The following FABP3 variants were observed in gnomAD, a reference collection of about 807,000 sequenced individuals.
The protein encoded by FABP3 is fatty acid binding protein 3, also known as fatty acid-binding protein, heart.
In FABP3, 8 loss-of-function variants were observed where a neutral mutation model predicts 13.4. That is an observed-to-expected ratio of 0.60 (90% CI 0.35 to 1.07). The LOEUF (loss-of-function observed/expected upper bound fraction) is 1.07. Ranked by LOEUF, FABP3 falls within the 50% of genes least tolerant of loss-of-function variation. The pLI is 0.02. For missense variants in FABP3, 135 were observed against 164.7 expected (o/e 0.82, Z 0.99); for synonymous variants, 64 against 60.0 (o/e 1.07, Z -0.31).
Position 31,365,636 on chromosome 1 carries a change from A to C in FABP3, c.*250T>G. ...CAAGACTCCCAGAGTTATGTTACCA[A>C]AGGCAAAAAGGCAACTGGGTGGCCT... On this transcript the variant is annotated 3_prime_UTR_variant, in exon 4 of 4. Transcript: ENST00000373713. 1 of 448,268 alleles carries C rather than the reference A, an allele frequency of 2.2e-6. No homozygotes were observed. The highest frequency in any genetic ancestry group is 4.1e-6 in the Non-Finnish European group (1 of 243,754). The allele number at this position is 448,268 out of a possible 1,614,324, so 27.8% of individuals were successfully genotyped here.
downstream of FABP3, chr1:31,364,002 C>A: frequency 6.2e-7 from 1 of 1,607,178 alleles, no homozygotes; most frequent in Non-Finnish European, 8.5e-7. Flanking sequence ...TATACACATA[C>A]AGTGTTGATT....
In FABP3 at chr1:31,369,378, G is replaced by A; in HGVS notation, c.246+7C>T. On this transcript the variant is annotated splice_region_variant and intron_variant, in intron 2 of 3. Coordinates refer to ENST00000373713, the MANE Select transcript of FABP3 (RefSeq NM_004102.5). ...CTCCATTCCCCACCCCTGTTTCCCT[G>A]ACTTACCTTGACCTTCCTGTCATCT... The A allele has an allele frequency of 6.2e-7, 1 of 1,613,582 alleles. No homozygotes were observed. The highest frequency in any genetic ancestry group is 8.5e-7 in the Non-Finnish European group (1 of 1,179,672).
rs772049236 is a variant in FABP3, at chr1:31,366,028, T to C, written c.349-89A>G. The stretch of plus-strand genomic sequence containing the variant: ...CTCCCTTCCTCCTGATAATTGTCAC[T>C]TGAGTACCTACTATGTGCCGGCTAT... On this transcript the variant is annotated intron_variant, in intron 3 of 3. Transcript: ENST00000373713. 3.0e-4 allele frequency: 331 copies of C among 1,110,276 alleles called. 1 individual carries two copies. Among genetic ancestry groups the C allele is most frequent in the Non-Finnish European group, 3.7e-4 (276 of 738,536 alleles). The allele number at this position is 1,110,276 out of a possible 1,614,324, so 68.8% of individuals were successfully genotyped here.
chr1:31,371,983 C>G (rs891630903), intron 1 of FABP3, among the ~76,000 whole-genome samples: 1 of 152,182 alleles, frequency 6.6e-6, no homozygotes, highest in Non-Finnish European at 1.5e-5. Context: ...CATATTGGCT[C>G]TGCTGTGGAA....
chr1:31,365,545 C>A lies in FABP3; in HGVS notation c.*341G>T. ...AGACTGTCCATTTCAGTCTCCCATC[C>A]AGTGCTTCTTCCTCAGTAACCTTCA... On this transcript the variant is annotated 3_prime_UTR_variant, in exon 4 of 4. Transcript: ENST00000373713. 3.5e-6 allele frequency: 1 copy of A among 284,944 alleles called. No individual in the cohort carries two copies. The highest frequency in any genetic ancestry group is 6.8e-6 in the Non-Finnish European group (1 of 146,650). The allele number at this position is 284,944 out of a possible 1,614,324, so 17.7% of individuals were successfully genotyped here.
At chr1:31,367,257 C>T in intron 3 of FABP3, 136 bp downstream of exon 3, 1 of 757,624 alleles carries the variant, frequency 1.3e-6, no homozygotes, top group Admixed American at 1.8e-5. Context: ...CCACCTGATA[C>T]CACCCTGACC....
Position 31,367,486 on chromosome 1 carries a change from C to T in FABP3, c.255G>A (p.Val85=). ...GAACAAGTTTCCCTCCATCCAGTGT[C>T]ACAATGGACTGTGGAAAGAGGGTAG... is the stretch of plus-strand genomic sequence containing the variant. ...TADDRKVKSI[V]TLDGGKLVHL... Residue 85 remains valine (V), a synonymous_variant, in exon 3 of 4, where the codon GTG becomes GTA. Transcript: ENST00000373713. 6.2e-7 allele frequency: 1 copy of T among 1,613,640 alleles called. No individual in the cohort carries two copies. The highest frequency in any genetic ancestry group is 8.5e-7 in the Non-Finnish European group (1 of 1,179,542).
At position 31,373,030 on chromosome 1, in the gene FABP3, G is replaced by A. The variant is rs746156436; in HGVS notation, c.-16C>T. Reference sequence around the variant, plus strand: ...CGTCCACCATAGTGATGCTGGGCTAGGCTGAGAGAAGCTACAAGAGAGCAG... The same window carrying A: ...CGTCCACCATAGTGATGCTGGGCTAAGCTGAGAGAAGCTACAAGAGAGCAG... On this transcript the variant is annotated 5_prime_UTR_variant, in exon 1 of 4. Coordinates refer to ENST00000373713, the MANE Select transcript of FABP3 (RefSeq NM_004102.5). The A allele has an allele frequency of 1.9e-6, 3 of 1,613,586 alleles. No individual in the cohort carries two copies. The highest frequency in any genetic ancestry group is 2.5e-6 in the Non-Finnish European group (3 of 1,179,792).
At chr1:31,359,843 A>T in the FABP3 span, among the ~76,000 whole-genome samples, 1 of 152,060 alleles carries the variant, frequency 6.6e-6, no homozygotes, top group Non-Finnish European at 1.5e-5. Flanking sequence ...TGATACTTGA[A>T]TCCATGTCAT....
intron 1 of FABP3, 97 bp from the exon 2 acceptor site, chr1:31,369,654 G>A: frequency 8.8e-7 from 1 of 1,130,150 alleles, no homozygotes; most frequent in Non-Finnish European, 1.3e-6. Flanking sequence ...GTATGGGGAA[G>A]TGGAGGACTG....
In FABP3 at chr1:31,369,567, G is replaced by C; in HGVS notation, c.74-10C>G. 1 of 1,613,796 alleles carries C rather than the reference G, an allele frequency of 6.2e-7. No homozygotes were observed. The highest frequency in any genetic ancestry group is 8.5e-7 in the Non-Finnish European group (1 of 1,179,784). The stretch of plus-strand genomic sequence containing the variant: ...GTAGCAAAACCCACACCTGAGGGTA[G>C]GGGGAAGGTTATGAGTATATGAGCT... On this transcript the variant is annotated splice_polypyrimidine_tract_variant and intron_variant, in intron 1 of 3. Coordinates refer to ENST00000373713, the MANE Select transcript of FABP3 (RefSeq NM_004102.5).
At chr1:31,366,384 G>T (rs1041803754) in intron 3 of FABP3, among the ~76,000 whole-genome samples, 12 of 152,090 alleles carry the variant, frequency 7.9e-5, no homozygotes, top group African/African-American at 2.4e-4. Flanking sequence ...GTAGTGCCAG[G>T]GCCAGAGCCC....
At position 31,372,969 on chromosome 1, in the gene FABP3, T is replaced by C. The variant is rs767698076; in HGVS notation, c.46A>G (p.Asn16Asp). Residue 16 changes from asparagine (N) to aspartate (D), a missense_variant, in exon 1 of 4, where the codon AAT becomes GAT. Coordinates refer to ENST00000373713, the MANE Select transcript of FABP3 (RefSeq NM_004102.5). ...AGTGACTTCATGTAGTCATCGAAAT[T>C]CTTGCTGTCCACTAGCTTCCAGGTG... ...LGTWKLVDSK[N>D]FDDYMKSLGV... 9.9e-6 allele frequency: 16 copies of C among 1,613,786 alleles called. No homozygotes were observed. The highest frequency in any genetic ancestry group is 1.3e-5 in the Non-Finnish European group (15 of 1,180,050).
chr1:31,371,141 C>T (rs1557471264), intron 1 of FABP3, among the ~76,000 whole-genome samples: 1 of 152,218 alleles, frequency 6.6e-6, no homozygotes, highest in Non-Finnish European at 1.5e-5. Context: ...GACGGGACCT[C>T]TTTGCCCCTT....
chr1:31,371,047 A>C (rs1048673978), intron 1 of FABP3, among the ~76,000 whole-genome samples: 2 of 152,218 alleles, frequency 1.3e-5, no homozygotes, highest in Admixed American at 1.3e-4. Context: ...TCGGCTCCAA[A>C]ACTGTTGACT....
downstream of FABP3, among the ~76,000 whole-genome samples, chr1:31,361,673 A>C (rs907669578): frequency 1.3e-5 from 2 of 152,254 alleles, no homozygotes; most frequent in Non-Finnish European, 1.5e-5. Flanking sequence ...ATCTACATGA[A>C]GATCCCAACT....
chr1:31,366,007 C>T (rs1640102947), intron 3 of FABP3, 68 bp from the exon 4 acceptor site: 5 of 1,375,720 alleles, frequency 3.6e-6, no homozygotes. Context: ...TCTACCCTCC[C>T]TTCCTCCTGA....
chr1:31,365,955 G>T lies in FABP3; in HGVS notation c.349-16C>A. Reference sequence around the variant, plus strand: ...GGGTGAGTGTCTGGAAGGAAAGACAGAGTGAGATGGGGGGTGGAGCCAGGA... The same window carrying T: ...GGGTGAGTGTCTGGAAGGAAAGACATAGTGAGATGGGGGGTGGAGCCAGGA... On this transcript the variant is annotated splice_polypyrimidine_tract_variant and intron_variant, in intron 3 of 3. Transcript: ENST00000373713. 1 of 1,613,328 alleles carries T rather than the reference G, an allele frequency of 6.2e-7. No individual in the cohort carries two copies. Among genetic ancestry groups the T allele is most frequent in the South Asian group, 1.1e-5 (1 of 91,002 alleles).
intron 1 of FABP3, among the ~76,000 whole-genome samples, chr1:31,370,600 G>A (rs1039964046): frequency 1.3e-5 from 2 of 152,116 alleles, no homozygotes; most frequent in Non-Finnish European, 2.9e-5. Flanking sequence ...AGCCTAAAGC[G>A]GTAGCAACAA....
Sources: gnomAD v4.1 joint callset for allele counts (sites outside exome capture counted in the v4.1 genomes callset) on GRCh38, gnomAD v4.1.1 for gene constraint, MANE v1.5 for transcripts, NCBI Gene and HGNC (gene_info 2026-07-23, HGNC 2026-07-21) for gene names.